KDM4B: variants seen among roughly 807,000 people sequenced by gnomAD.
KDM4B encodes lysine-specific demethylase 4B.
KDM4B carries 32 observed loss-of-function variants against 125.2 expected under a neutral mutation model. The observed-to-expected ratio is 0.26, with a 90% CI of 0.19 to 0.34. KDM4B has a LOEUF of 0.34. Among genes scored for constraint, KDM4B ranks in the 10% least tolerant of loss-of-function variants. The pLI, the probability that KDM4B is intolerant of heterozygous loss-of-function variation, is 1.00. For synonymous variants in KDM4B, 721 were observed against 677.9 expected (o/e 1.06, Z -0.99); for missense variants, 1,190 against 1,577.7 (o/e 0.75, Z 4.16).
At chr19:5,008,208 T>G (rs919832828) in intron 1 of KDM4B, among the ~76,000 whole-genome samples, 1 of 152,236 alleles carries the variant, frequency 6.6e-6, no homozygotes, top group Non-Finnish European at 1.5e-5. Flanking sequence ...GAGGTAAGGG[T>G]CCACCTTCAT....
chr19:5,061,253 C>A (rs368249611), intron 6 of KDM4B, among the ~76,000 whole-genome samples: 1 of 152,228 alleles, frequency 6.6e-6, no homozygotes, highest in Non-Finnish European at 1.5e-5. Flanking sequence ...CCCAGGCTCC[C>A]CATCTTCCCT....
intron 9 of KDM4B, among the ~76,000 whole-genome samples, chr19:5,096,525 G>A (rs913120002): frequency 2.6e-5 from 4 of 152,214 alleles, no homozygotes; most frequent in African/African-American, 9.6e-5. Context: ...CAGTGCCCCT[G>A]CCCAGACCCC....
At chr19:5,039,348 G>A (rs893872744) in intron 3 of KDM4B, among the ~76,000 whole-genome samples, 6 of 152,134 alleles carry the variant, frequency 3.9e-5, no homozygotes, top group Non-Finnish European at 7.3e-5. Flanking sequence ...CCCACTACTC[G>A]GGAGGCTGAG....
At chr19:5,016,952 G>A (rs59206180) in intron 2 of KDM4B, among the ~76,000 whole-genome samples, 5 of 152,324 alleles carry the variant, frequency 3.3e-5, no homozygotes, top group East Asian at 1.9e-4. Context: ...CACAGGGCCC[G>A]GGTGACCCAG....
At chr19:5,091,854 T>C (rs1029129837) in intron 9 of KDM4B, among the ~76,000 whole-genome samples, 2 of 152,206 alleles carry the variant, frequency 1.3e-5, no homozygotes, top group African/African-American at 4.8e-5. Context: ...GCCTTTGGCT[T>C]CCTGCCTCAG....
At chr19:5,025,656 C>T (rs527647690) in intron 2 of KDM4B, among the ~76,000 whole-genome samples, 11 of 152,244 alleles carry the variant, frequency 7.2e-5, no homozygotes, top group Admixed American at 2.6e-4. Flanking sequence ...GCCGCCTCCT[C>T]TGCGCTCCCT....
At position 4,978,504 on chromosome 19, in the gene KDM4B, C is replaced by A. The variant is rs537949786; in HGVS notation, c.-109+9274C>A. 5.1e-5 allele frequency among the ~76,000 whole-genome samples: 3 copies of A among 58,720 alleles called. No homozygotes were observed. In the South Asian group the frequency reaches 2.6e-3, roughly 52 times the overall value. The allele number at this position is 58,720 out of a possible 152,430, so 38.5% of individuals were successfully genotyped here. ...CCTGCACAATGGAGTGAGACTCTGT[C>A]TCAAAAAAAAAAAAAAAAAAAAAAA... On this transcript the variant is annotated intron_variant, in intron 1 of 22. Transcript: ENST00000159111.
intron 1 of KDM4B, among the ~76,000 whole-genome samples, chr19:4,978,027 C>G (rs1408279022): frequency 6.6e-6 from 1 of 152,194 alleles, no homozygotes; most frequent in East Asian, 1.9e-4. Context: ...AGCGGGCCTC[C>G]TGTCTTGCAG....
intron 6 of KDM4B, among the ~76,000 whole-genome samples, chr19:5,060,071 CG>C (rs949954471): frequency 3.7e-4 from 56 of 152,176 alleles, no homozygotes; most frequent in African/African-American, 1.3e-3. Flanking sequence ...TCCTTGGGCC[CG>C]TGTTGAGGCC....
chr19:5,040,400 G>A lies in KDM4B; in HGVS notation c.317+389G>A, dbSNP rs1375349856. Among the ~76,000 whole-genome samples, 3 of 152,088 alleles carry A rather than the reference G, an allele frequency of 2.0e-5. No homozygotes were observed. The East Asian group carries it at 5.8e-4, about 29-fold the overall frequency. ...GGGCACAGACACAGAACACACGAGG[G>A]CACATGTAACACACATGGGTACACA... On this transcript the variant is annotated intron_variant, in intron 4 of 22. Transcript: ENST00000159111.
At chr19:5,146,751 A>ACCCCC (rs775578381) in intron 21 of KDM4B, among the ~76,000 whole-genome samples, 3 of 31,992 alleles carry the variant, frequency 9.4e-5, no homozygotes, top group Non-Finnish European at 1.2e-4. Flanking sequence ...ACAAAGTGAG[A>ACCCCC]CCCCCCCCCC....
chr19:5,089,803 C>T (rs1050631607), intron 9 of KDM4B, among the ~76,000 whole-genome samples: 5 of 151,724 alleles, frequency 3.3e-5, no homozygotes, highest in Admixed American at 6.6e-5. Flanking sequence ...CTTGAGCAAG[C>T]ACCCCACAGT....
chr19:5,122,413 T>C (rs2039377945), intron 11 of KDM4B, among the ~76,000 whole-genome samples: 1 of 152,136 alleles, frequency 6.6e-6, no homozygotes, highest in Non-Finnish European at 1.5e-5. Context: ...ATTCCCAGGC[T>C]CCAGGGATAA....
intron 1 of KDM4B, among the ~76,000 whole-genome samples, chr19:4,987,966 G>A (rs539482801): frequency 6.6e-5 from 10 of 152,268 alleles, no homozygotes; most frequent in South Asian, 4.1e-4. Flanking sequence ...CTGGTTTCAC[G>A]CCCCCAGCTC....
At chr19:4,970,463 A>G (rs72988139) in intron 1 of KDM4B, among the ~76,000 whole-genome samples, 1,875 of 152,116 alleles carry the variant, frequency 0.012, 19 homozygotes, top group Non-Finnish European at 0.021. Context: ...GGGTGCCTGC[A>G]CTGTCTTGGG....
intron 5 of KDM4B, among the ~76,000 whole-genome samples, chr19:5,043,737 C>T (rs1210803384): frequency 5.0e-5 from 7 of 139,386 alleles, no homozygotes; most frequent in African/African-American, 1.4e-4. Flanking sequence ...TGGTGTTTAT[C>T]GGAGTGGGGG....
At chr19:5,075,686 T>C (rs1274705298) in intron 7 of KDM4B, 2 of 152,250 alleles carry the variant, frequency 1.3e-5, no homozygotes, top group Non-Finnish European at 1.5e-5. Flanking sequence ...TTAAGTCAGC[T>C]GCAGAGCGCA....
chr19:5,000,399 G>GTCCA (rs563479668), intron 1 of KDM4B, among the ~76,000 whole-genome samples: 7 of 149,648 alleles, frequency 4.7e-5, no homozygotes, highest in African/African-American at 7.4e-5. Flanking sequence ...CCATCTGTCT[G>GTCCA]TCCATCCATC....
chr19:4,979,446 G>A (rs777264334), intron 1 of KDM4B, among the ~76,000 whole-genome samples: 1 of 152,252 alleles, frequency 6.6e-6, no homozygotes, highest in Non-Finnish European at 1.5e-5. Context: ...GAACTTGGGG[G>A]TGTGGCCTGG....
Sources: gnomAD v4.1 joint callset for allele counts (sites outside exome capture counted in the v4.1 genomes callset) on GRCh38, gnomAD v4.1.1 for gene constraint, MANE v1.5 for transcripts, NCBI Gene and HGNC (gene_info 2026-07-23, HGNC 2026-07-21) for gene names.